POGZ: variants seen among roughly 807,000 people sequenced by gnomAD.
POGZ encodes the protein pogo transposable element with ZNF domain.
Under a neutral mutation model 134.6 loss-of-function variants are expected in POGZ, and 17 were observed. That is an observed-to-expected ratio of 0.13 (90% CI 0.09 to 0.19). POGZ has a LOEUF of 0.19. Ranked by LOEUF, POGZ falls within the 10% of genes least tolerant of loss-of-function variation. The pLI is 1.00. For missense variants in POGZ, 1,306 were observed against 1,769.7 expected, an observed-to-expected ratio of 0.74 and a Z score of 4.70; for synonymous variants, 693 against 657.1, an observed-to-expected ratio of 1.05 and a Z score of -0.84.
chr1:151,418,512 C>G (rs904298395), intron 10 of POGZ, among the ~76,000 whole-genome samples: 1 of 152,046 alleles, frequency 6.6e-6, no homozygotes, highest in African/African-American at 2.4e-5. Context: ...GAAATAAGAC[C>G]TAGTAGATCA....
intron 1 of POGZ, among the ~76,000 whole-genome samples, chr1:151,443,103 A>G (rs1660787339): frequency 6.6e-6 from 1 of 152,242 alleles, no homozygotes; most frequent in Non-Finnish European, 1.5e-5. Flanking sequence ...GAGGTGAGTC[A>G]AGCAAGTGCA....
chr1:151,423,507 T>C lies in POGZ; in HGVS notation c.1568A>G (p.Asn523Ser), dbSNP rs750382194. 1 of 1,613,794 alleles carries C rather than the reference T, an allele frequency of 6.2e-7. No homozygotes were observed. Among genetic ancestry groups the C allele is most frequent in the African/African-American group, 1.3e-5 (1 of 74,924 alleles). ...GATAGTGTGACCATCTACCTCACCG[T>C]TCTGCTGATCGAGTTCTACGTGGTG... Reference protein sequence around the residue: ...MKHHVELDQQNGEVDGHTICQ... With the variant: ...MKHHVELDQQSGEVDGHTICQ... The change falls in exon 10 of 19, where the codon AAC (asparagine) becomes AGC (serine). Residue 523 changes from asparagine (N) to serine (S), a missense_variant. Asn to Ser is a conservative substitution (Grantham distance 46). Transcript: ENST00000271715.
At chr1:151,422,788 C>T (rs945870939) in intron 10 of POGZ, among the ~76,000 whole-genome samples, 1 of 152,154 alleles carries the variant, frequency 6.6e-6, no homozygotes. Context: ...GATGGGGCTT[C>T]GCCATGTTGG....
At chr1:151,415,486 C>T (rs11204806) in intron 10 of POGZ, among the ~76,000 whole-genome samples, 23,131 of 151,376 alleles carry the variant, frequency 0.15, 3,952 homozygotes, top group East Asian at 0.45. Context: ...CTGGCTAACA[C>T]GATGAAACCC....
chr1:151,458,422 A>G (rs1291328746), intron 1 of POGZ, among the ~76,000 whole-genome samples: 1 of 152,066 alleles, frequency 6.6e-6, no homozygotes, highest in Non-Finnish European at 1.5e-5. Flanking sequence ...GACTTCGTAA[A>G]CTAGCTGCAG....
chr1:151,413,950 A>G (rs999397301), intron 10 of POGZ, among the ~76,000 whole-genome samples: 2 of 152,372 alleles, frequency 1.3e-5, no homozygotes, highest in Admixed American at 1.3e-4. Context: ...AATTATTTGC[A>G]AAAGAGTAAA....
chr1:151,412,172 T>C, intron 11 of POGZ, 124 bp downstream of exon 11: 1 of 593,342 alleles, frequency 1.7e-6, no homozygotes, highest in Non-Finnish European at 3.0e-6. Context: ...CTATTTCTTC[T>C]GTACCTACTC....
intron 3 of POGZ, among the ~76,000 whole-genome samples, chr1:151,439,774 C>G (rs1047399188): frequency 6.6e-6 from 1 of 152,188 alleles, no homozygotes; most frequent in African/African-American, 2.4e-5. Context: ...CAATACTGAT[C>G]ACAATTCTTA....
intron 7 of POGZ, among the ~76,000 whole-genome samples, chr1:151,425,817 A>G (rs1330980132): frequency 1.3e-5 from 2 of 152,222 alleles, no homozygotes; most frequent in South Asian, 2.1e-4. Context: ...TGCAATGAAC[A>G]TAGGTGTACA....
At chr1:151,412,500 A>T in intron 10 of POGZ, 104 bp from the exon 11 acceptor site, 2 of 661,172 alleles carry the variant, frequency 3.0e-6, no homozygotes. Context: ...GATTTTCAAC[A>T]ATCAGTAAAT....
chr1:151,409,063 C>T (rs1312244980), intron 12 of POGZ, among the ~76,000 whole-genome samples: 1 of 152,154 alleles, frequency 6.6e-6, no homozygotes, highest in Non-Finnish European at 1.5e-5. Context: ...ACTAAGTTCT[C>T]AAATCATCCT....
At chr1:151,456,099 C>T (rs562605148) in intron 1 of POGZ, among the ~76,000 whole-genome samples, 7 of 152,028 alleles carry the variant, frequency 4.6e-5, no homozygotes, top group Non-Finnish European at 1.5e-5. Context: ...CACATCAATC[C>T]ACTTTTTTAC....
In POGZ at chr1:151,446,834, C is replaced by T. The variant is rs542500097; in HGVS notation, c.-1-4629G>A. Among the ~76,000 whole-genome samples, 15 of 149,792 alleles carry T rather than the reference C, an allele frequency of 1.0e-4. No homozygotes were observed. In the East Asian group the frequency reaches 2.7e-3, roughly 27 times the overall value. ...AATCATACTGCAACAAGTGAACAGG[C>T]AAATTTTCATACGAGTCTCTGAATC... On this transcript the variant is annotated intron_variant, in intron 1 of 18. Coordinates refer to ENST00000271715, the MANE Select transcript of POGZ (RefSeq NM_015100.4).
At chr1:151,411,523 A>C in intron 12 of POGZ, 102 bp downstream of exon 12, 1 of 773,788 alleles carries the variant, frequency 1.3e-6, no homozygotes, top group Non-Finnish European at 2.1e-6. Flanking sequence ...TGCATATTAT[A>C]ATCTCTGCCC....
Position 151,406,507 on chromosome 1 carries a change from C to A in POGZ, c.2571-43G>T, listed in dbSNP as rs759292699. On this transcript the variant is annotated intron_variant, in intron 18 of 18. Transcript: ENST00000271715. ...AAAGAGAAGAGGAGAAATCTCAGTT[C>A]AACTAGGAAATTGAAACAATAATAT... is the stretch of plus-strand genomic sequence containing the variant. 4 of 1,555,742 alleles carry A rather than the reference C, an allele frequency of 2.6e-6. No homozygotes were observed. The African/African-American group carries it at 5.5e-5, about 22-fold the overall frequency.
intron 1 of POGZ, among the ~76,000 whole-genome samples, chr1:151,457,927 C>A (rs1402263758): frequency 6.7e-4 from 91 of 136,460 alleles, no homozygotes; most frequent in Middle Eastern, 3.7e-3. Context: ...AACTTCGTCT[C>A]AAAAAAAAAA....
rs1376886027 is a variant in POGZ at position 151,408,836 on chromosome 1, G to A, written c.1927-8C>T. 7 of 1,536,558 alleles carry A rather than the reference G, an allele frequency of 4.6e-6. No homozygotes were observed. The African/African-American group carries it at 7.4e-5, about 16-fold the overall frequency. On this transcript the variant is annotated splice_region_variant and splice_polypyrimidine_tract_variant and intron_variant, in intron 12 of 18. Coordinates refer to ENST00000271715, the MANE Select transcript of POGZ (RefSeq NM_015100.4). ...GTGATAAACATTTCTCTTCTGAAGT[G>A]GGGGAGGGAAAAAAAGAGACAAAAT... is the stretch of plus-strand genomic sequence containing the variant.
At chr1:151,458,870 A>G (rs1206315075) in intron 1 of POGZ, among the ~76,000 whole-genome samples, 1 of 144,686 alleles carries the variant, frequency 6.9e-6, no homozygotes, top group Non-Finnish European at 1.5e-5. Flanking sequence ...GCCGGCAGGC[A>G]GGGACCTCCG....
At chr1:151,458,760 C>G (rs1162388984) in intron 1 of POGZ, among the ~76,000 whole-genome samples, 4 of 145,668 alleles carry the variant, frequency 2.7e-5, no homozygotes, top group Non-Finnish European at 6.1e-5. Flanking sequence ...ACGCCTCGCG[C>G]CGAGCGTGCG....
Sources: allele counts gnomAD v4.1 joint callset (sites outside exome capture counted in the v4.1 genomes callset), GRCh38; gene constraint gnomAD v4.1.1; transcripts MANE v1.5; gene names NCBI Gene and HGNC (gene_info 2026-07-23, HGNC 2026-07-21).